The following NEXMIF variants were observed in gnomAD, a reference collection of about 807,000 sequenced individuals.
NEXMIF encodes the protein neurite extension and migration factor, also known as XLMR protein related to neurite extension.
Under a neutral mutation model 62.1 loss-of-function variants are expected in NEXMIF, and 8 were observed. The observed-to-expected ratio is 0.13, with a 90% CI of 0.08 to 0.23. The LOEUF (loss-of-function observed/expected upper bound fraction) is 0.23, where lower values mean the gene tolerates loss of function less well. NEXMIF is among the 10% of genes least tolerant of loss of function. NEXMIF has a pLI of 1.00. For synonymous variants in NEXMIF, 404 were observed against 416.6 expected, an observed-to-expected ratio of 0.97 and a Z score of 0.37; for missense variants, 976 against 1,113.3, an observed-to-expected ratio of 0.88 and a Z score of 1.75.
At chrX:74,786,557 G>A (rs147014893) in intron 1 of NEXMIF, among the ~76,000 whole-genome samples, 1 of 111,170 alleles carries the variant, frequency 9.0e-6, no homozygotes, top group East Asian at 2.8e-4. Context: ...AAGAAAAAAG[G>A]TAGACCATTC....
chrX:74,922,410 G>A (rs778657986), intron 1 of NEXMIF, among the ~76,000 whole-genome samples: 8 of 110,967 alleles, frequency 7.2e-5, no homozygotes, highest in Non-Finnish European at 1.1e-4. Flanking sequence ...CACTGAACAG[G>A]TTGATTTATT....
At chrX:74,851,624 A>T (rs909868335) in intron 1 of NEXMIF, among the ~76,000 whole-genome samples, 4 of 111,392 alleles carry the variant, frequency 3.6e-5, no homozygotes, top group Non-Finnish European at 7.5e-5. Flanking sequence ...CAAGGATACT[A>T]TACCCAGCAA....
chrX:74,813,318 C>A (rs1441505015), intron 1 of NEXMIF, among the ~76,000 whole-genome samples: 1 of 110,918 alleles, frequency 9.0e-6, no homozygotes, highest in Non-Finnish European at 1.9e-5. Flanking sequence ...AAAAGATATA[C>A]CTATATCCAA....
At chrX:74,834,298 T>C (rs918351674) in intron 1 of NEXMIF, among the ~76,000 whole-genome samples, 2 of 111,048 alleles carry the variant, frequency 1.8e-5, no homozygotes, top group African/African-American at 6.6e-5. Flanking sequence ...TTTTGATTGG[T>C]TCATCATTTC....
At chrX:74,801,067 A>G (rs964759388) in intron 1 of NEXMIF, among the ~76,000 whole-genome samples, 4 of 111,762 alleles carry the variant, frequency 3.6e-5, no homozygotes, top group Non-Finnish European at 7.5e-5. Context: ...AGTCGGAATC[A>G]TACATTATGT....
At chrX:74,866,662 A>G (rs768820762) in intron 1 of NEXMIF, among the ~76,000 whole-genome samples, 4 of 112,660 alleles carry the variant, frequency 3.6e-5, no homozygotes, top group Non-Finnish European at 5.6e-5. Context: ...CTGGTGGGAC[A>G]TAATTGAATC....
At chrX:74,835,484 C>T (rs1188750420) in intron 1 of NEXMIF, among the ~76,000 whole-genome samples, 3 of 111,848 alleles carry the variant, frequency 2.7e-5, no homozygotes, top group African/African-American at 9.7e-5. Context: ...GACTGGACCC[C>T]AAGCCCAATA....
At chrX:74,819,901 G>T (rs1022884635) in intron 1 of NEXMIF, among the ~76,000 whole-genome samples, 1 of 111,533 alleles carries the variant, frequency 9.0e-6, no homozygotes, top group Non-Finnish European at 1.9e-5. Flanking sequence ...TGTTTATTGC[G>T]GCACTGTTCA....
intron 1 of NEXMIF, among the ~76,000 whole-genome samples, chrX:74,814,133 T>C (rs1433322011): frequency 1.8e-5 from 2 of 111,667 alleles, no homozygotes; most frequent in African/African-American, 6.5e-5. Context: ...GACATGATAT[T>C]GTATTTAATC....
rs910545402 is a variant in NEXMIF at position 74,762,844 on chromosome X, T to A, written c.-47-17147A>T. Among the ~76,000 whole-genome samples the A allele has an allele frequency of 2.7e-5, 3 of 111,757 alleles. No individual in the cohort carries two copies. In the Admixed American group the frequency reaches 2.9e-4, roughly 11 times the overall value. On this transcript the variant is annotated intron_variant, in intron 1 of 3. Transcript: ENST00000055682. ...TTTTTTCTTGTAAATTTGTTTCAGT[T>A]CTTTGTAGATTCTGGATATTAGCCC... is the stretch of plus-strand genomic sequence containing the variant.
intron 1 of NEXMIF, among the ~76,000 whole-genome samples, chrX:74,878,343 C>T (rs779499524): frequency 2.7e-4 from 30 of 112,143 alleles, no homozygotes; most frequent in African/African-American, 3.2e-5. Context: ...GCAGTCTGCC[C>T]GTTCTCAGAT....
chrX:74,760,687 A>G (rs1374606491), intron 1 of NEXMIF, among the ~76,000 whole-genome samples: 1 of 111,048 alleles, frequency 9.0e-6, no homozygotes, highest in African/African-American at 3.3e-5. Flanking sequence ...GATGAATCAC[A>G]TTTATTGATT....
chrX:74,832,814 T>A (rs762140399), intron 1 of NEXMIF, among the ~76,000 whole-genome samples: 11 of 111,321 alleles, frequency 9.9e-5, no homozygotes, highest in Non-Finnish European at 1.9e-4. Context: ...GTATGCTGTG[T>A]TTCCATTATC....
At chrX:74,808,056 T>C (rs2080350178) in intron 1 of NEXMIF, among the ~76,000 whole-genome samples, 1 of 111,849 alleles carries the variant, frequency 8.9e-6, no homozygotes, top group African/African-American at 3.3e-5. Flanking sequence ...GTTAATATGA[T>C]GGATTACATT....
chrX:74,907,809 T>C (rs1227183641), intron 1 of NEXMIF, among the ~76,000 whole-genome samples: 1 of 111,442 alleles, frequency 9.0e-6, no homozygotes, highest in African/African-American at 3.3e-5. Flanking sequence ...AACACCAGTA[T>C]ATGATTTTAC....
At chrX:74,808,848 C>T (rs1305549299) in intron 1 of NEXMIF, among the ~76,000 whole-genome samples, 6 of 112,131 alleles carry the variant, frequency 5.4e-5, no homozygotes, top group South Asian at 3.7e-4. Flanking sequence ...GGAGCTTTAA[C>T]GGCTGGAGGA....
intron 1 of NEXMIF, among the ~76,000 whole-genome samples, chrX:74,831,991 T>C (rs1602243246): frequency 8.9e-6 from 1 of 112,456 alleles, no homozygotes. Context: ...ATCATACTAA[T>C]GTATTGTTGA....
intron 1 of NEXMIF, among the ~76,000 whole-genome samples, chrX:74,820,890 C>T (rs2080392959): frequency 9.0e-6 from 1 of 110,840 alleles, no homozygotes; most frequent in African/African-American, 3.3e-5. Flanking sequence ...GGAGGGTGAA[C>T]ATTGAGAAAC....
chrX:74,752,807 C>G (rs975363331), intron 1 of NEXMIF, among the ~76,000 whole-genome samples: 1 of 111,955 alleles, frequency 8.9e-6, no homozygotes, highest in Non-Finnish European at 1.9e-5. Context: ...ATTTTCAGGA[C>G]TTCTGCCTGC....
Sources: allele counts gnomAD v4.1 joint callset (sites outside exome capture counted in the v4.1 genomes callset), GRCh38; gene constraint gnomAD v4.1.1; transcripts MANE v1.5; gene names NCBI Gene and HGNC (gene_info 2026-07-23, HGNC 2026-07-21).